The following KREMEN2 variants were observed in gnomAD, a reference collection of about 807,000 sequenced individuals.
KREMEN2 encodes the protein kremen protein 2.
A neutral mutation model predicts 49.8 loss-of-function variants in KREMEN2; 43 were observed. The ratio of observed to expected loss-of-function variants is 0.86; its 90% CI spans 0.68 to 1.11. The LOEUF is 1.11. Among genes scored for constraint, KREMEN2 ranks in the 50% most tolerant of loss-of-function variants. The pLI is 0.00. For missense variants in KREMEN2, 686 were observed against 665.7 expected, an observed-to-expected ratio of 1.03 and a Z score of -0.34; for synonymous variants, 355 against 304.9, an observed-to-expected ratio of 1.16 and a Z score of -1.71.
In KREMEN2 at chr16:2,966,064, C is replaced by T; in HGVS notation, c.270-76C>T. 7.5e-7 allele frequency: 1 copy of T among 1,324,664 alleles called. No homozygotes were observed. Among genetic ancestry groups the T allele is most frequent in the Non-Finnish European group, 1.1e-6 (1 of 925,432 alleles). The allele number at this position is 1,324,664 out of a possible 1,614,324, so 82.1% of individuals were successfully genotyped here. A position where few individuals can be genotyped will look rare whatever the true frequency, so the allele number is the denominator to read the frequency against. On this transcript the variant is annotated intron_variant, in intron 2 of 8. Transcript: ENST00000303746. This position sits in a 1 kb window ranked among gnomAD's most constrained non-coding sequence, Gnocchi z 8.4. ...ACAGAGCCTTGAAGGCCACTTTGAG[C>T]ATAGGCTGCGGGGCCGGGCCTGGGT...
chr16:2,966,341 A>T lies in KREMEN2; in HGVS notation c.378A>T (p.Gly126=), dbSNP rs2071818290. The T allele has an allele frequency of 1.2e-6, 2 of 1,612,112 alleles. No homozygotes were observed. Among genetic ancestry groups the T allele is most frequent in the African/African-American group, 1.3e-5 (1 of 74,960 alleles). Residue 126 remains glycine, a synonymous_variant, in exon 4 of 9, where the codon GGA becomes GGT. Transcript: ENST00000303746. The surrounding 1 kb of genome is among the most constrained non-coding windows in gnomAD (Gnocchi z 8.4). ...CCCCCTCAGTGCCAGGCTACCTGGG[A>T]TGCTTTGTGGACTCAGGGGCACCCC... ...IPSCHMPGYL[G]CFVDSGAPPA...
In KREMEN2 at chr16:2,966,064, C is replaced by A; in HGVS notation, c.270-76C>A. On this transcript the variant is annotated intron_variant, in intron 2 of 8. Transcript: ENST00000303746. This position sits in a 1 kb window ranked among gnomAD's most constrained non-coding sequence, Gnocchi z 8.4. ...ACAGAGCCTTGAAGGCCACTTTGAG[C>A]ATAGGCTGCGGGGCCGGGCCTGGGT... 1.5e-6 allele frequency: 2 copies of A among 1,324,660 alleles called. No individual in the cohort carries two copies. Among genetic ancestry groups the A allele is most frequent in the Admixed American group, 1.7e-5 (1 of 58,064 alleles). The allele number at this position is 1,324,660 out of a possible 1,614,324, so 82.1% of individuals were successfully genotyped here. A position where few individuals can be genotyped will look rare whatever the true frequency, so the allele number is the denominator to read the frequency against.
rs1198045661 is a variant in KREMEN2, at chr16:2,966,907, C to T, written c.641-3C>T. ...GGATGCTGACTGCCGGCCCCGCCCG[C>T]AGTGTCGGTGGGCTCCTGCCAGGGG... On this transcript the variant is annotated splice_region_variant and splice_polypyrimidine_tract_variant and intron_variant, in intron 5 of 8. Coordinates refer to ENST00000303746, the MANE Select transcript of KREMEN2 (RefSeq NM_172229.3). The surrounding 1 kb of genome is among the most constrained non-coding windows in gnomAD (Gnocchi z 8.4). 9.1e-6 allele frequency: 14 copies of T among 1,543,342 alleles called. No homozygotes were observed. In the East Asian group the frequency reaches 3.0e-4, roughly 33 times the overall value.
At position 2,966,107 on chromosome 16, in the gene KREMEN2, G is replaced by T. The variant is rs770517704; in HGVS notation, c.270-33G>T. On this transcript the variant is annotated intron_variant, in intron 2 of 8. Transcript: ENST00000303746. This position sits in a 1 kb window ranked among gnomAD's most constrained non-coding sequence, Gnocchi z 8.4. The stretch of plus-strand genomic sequence containing the variant: ...GCCTGGGTTTGCTATTCTTGGGGTG[G>T]TGGGAGCCCCACCACCTCCCTCCCA... The T allele has an allele frequency of 6.3e-7, 1 of 1,595,426 alleles. No homozygotes were observed.
chr16:2,967,654 G>A, intron 8 of KREMEN2, 50 bp downstream of exon 8: 1 of 1,538,234 alleles, frequency 6.5e-7, no homozygotes, highest in Non-Finnish European at 8.7e-7. Context: ...GTGGGGAGCT[G>A]GAGCCCCAGA....
At chr16:2,967,781 G>T in intron 8 of KREMEN2, 29 bp from the exon 9 acceptor site, 1 of 1,548,198 alleles carries the variant, frequency 6.5e-7, no homozygotes, top group South Asian at 1.2e-5. Flanking sequence ...GGATTGGACC[G>T]GCTCGGCTGA....
At position 2,967,363 on chromosome 16, in the gene KREMEN2, G is replaced by A. The variant is rs570092580; in HGVS notation, c.1017G>A (p.Ser339=). 1 of 1,397,920 alleles carries A rather than the reference G, an allele frequency of 7.2e-7. No individual in the cohort carries two copies. The highest frequency in any genetic ancestry group is 1.6e-5 in the South Asian group (1 of 63,570). 86.6% of individuals were successfully genotyped at this position (1,397,920 alleles called of 1,614,324 possible). A position where few individuals can be genotyped will look rare whatever the true frequency, so the allele number is the denominator to read the frequency against. ...AAEDPEAPEG[S]AQTPAAPLDG... is the part of the protein sequence containing the mutation. ...AGGACCCAGAGGCCCCCGAGGGCTC[G>A]GCCCAGACCCCCGCGGCGCCCCTCG... The change falls in exon 7 of 9, where the codon TCG becomes TCA. Residue 339 remains serine (S), a synonymous_variant. Transcript: ENST00000303746.
rs767438462 is a variant in KREMEN2 at position 2,964,911 on chromosome 16, C to T, written c.147C>T (p.Asn49=). 1.6e-5 allele frequency: 25 copies of T among 1,607,538 alleles called. No individual in the cohort carries two copies. Among genetic ancestry groups the T allele is most frequent in the Middle Eastern group, 1.6e-4 (1 of 6,070 alleles). ...VNGADYRGHQ[N]RTGPRGAGRP... ...GGGCTGACTACCGCGGCCACCAGAA[C>T]CGCACTGGCCCGCGCGGGGCGGGCC... Residue 49 remains asparagine (N), a synonymous_variant, in exon 2 of 9, where the codon AAC becomes AAT. Transcript: ENST00000303746.
chr16:2,968,301 C>T lies in KREMEN2; in HGVS notation c.*281C>T, dbSNP rs1213491107. The T allele has an allele frequency of 4.1e-6, 6 of 1,458,200 alleles. No individual in the cohort carries two copies. Among genetic ancestry groups the T allele is most frequent in the Middle Eastern group, 3.4e-4 (2 of 5,836 alleles). 90.3% of individuals were successfully genotyped at this position (1,458,200 alleles called of 1,614,324 possible). A position where few individuals can be genotyped will look rare whatever the true frequency, so the allele number is the denominator to read the frequency against. On this transcript the variant is annotated 3_prime_UTR_variant, in exon 9 of 9. Transcript: ENST00000303746. The stretch of plus-strand genomic sequence containing the variant: ...CCCTCTGGGGGTGGTCCTGGACTGC[C>T]GTCCTCAGTGAGAGGTCACAGGTCA...
chr16:2,968,135 C>A lies in KREMEN2; in HGVS notation c.*115C>A. ...GTAGGGGCAGCTCGGCCTCTGGTCG[C>A]CTTGGGGAGACCAAAAGTCGGACAG... On this transcript the variant is annotated 3_prime_UTR_variant, in exon 9 of 9. Coordinates refer to ENST00000303746, the MANE Select transcript of KREMEN2 (RefSeq NM_172229.3). 1 of 1,169,430 alleles carries A rather than the reference C, an allele frequency of 8.6e-7. No homozygotes were observed. The highest frequency in any genetic ancestry group is 1.2e-6 in the Non-Finnish European group (1 of 818,524). The allele number at this position is 1,169,430 out of a possible 1,614,324, so 72.4% of individuals were successfully genotyped here.
chr16:2,964,463 CCCCGGGGGCAG>C lies in KREMEN2; in HGVS notation c.-51_-41del. The C allele has an allele frequency of 1.5e-6, 2 of 1,332,636 alleles. No individual in the cohort carries two copies. The highest frequency in any genetic ancestry group is 2.0e-6 in the Non-Finnish European group (2 of 975,872). The allele number at this position is 1,332,636 out of a possible 1,614,324, so 82.6% of individuals were successfully genotyped here. A position where few individuals can be genotyped will look rare whatever the true frequency, so the allele number is the denominator to read the frequency against. On this transcript the variant is annotated 5_prime_UTR_variant, in exon 1 of 9. Transcript: ENST00000303746. ...GGTCTCCTGGGAGACCCCGAAGCGA[CCCCGGGGGCAG>C]CCCGGGCCGTGTCCGGGCGAGGGTG...
chr16:2,967,658 C>G (rs544471729), intron 8 of KREMEN2, 54 bp downstream of exon 8: 1 of 1,538,938 alleles, frequency 6.5e-7, no homozygotes, highest in Admixed American at 2.0e-5. Flanking sequence ...GGAGCTGGAG[C>G]CCCAGAAGGG....
Position 2,966,777 on chromosome 16 carries a change from C to A in KREMEN2, c.622C>A (p.Arg208=). The change falls in exon 5 of 9, where the codon CGG becomes AGG. Residue 208 remains arginine, a synonymous_variant. Transcript: ENST00000303746. The surrounding 1 kb of genome is among the most constrained non-coding windows in gnomAD (Gnocchi z 8.4). ...HPGQLCGGDG[R]LGVYEVSVGS... is the part of the protein sequence containing the mutation. ...TGGACAGCTGTGTGGCGGCGATGGGCGGCTGGGCGTCTATGAAGGTGAGGA... is the reference window on the plus strand; with the variant it reads ...TGGACAGCTGTGTGGCGGCGATGGGAGGCTGGGCGTCTATGAAGGTGAGGA... The A allele has an allele frequency of 1.6e-5, 26 of 1,609,574 alleles. No homozygotes were observed. Among genetic ancestry groups the A allele is most frequent in the Non-Finnish European group, 2.2e-5 (26 of 1,178,130 alleles).
chr16:2,966,820 G>C lies in KREMEN2; in HGVS notation c.640+25G>C, dbSNP rs765174502. On this transcript the variant is annotated intron_variant, in intron 5 of 8. Transcript: ENST00000303746. This position sits in a 1 kb window ranked among gnomAD's most constrained non-coding sequence, Gnocchi z 8.4. ...GGTGAGGAGTGGGCGGGGACCAGGG[G>C]CCTGGGCGGGCCTCGAGGTGGGGCC... The C allele has an allele frequency of 6.2e-7, 1 of 1,603,066 alleles. No individual in the cohort carries two copies. Among genetic ancestry groups the C allele is most frequent in the Non-Finnish European group, 8.5e-7 (1 of 1,175,578 alleles).
rs1338352421 is a variant in KREMEN2 at position 2,967,028 on chromosome 16, C to G, written c.759C>G (p.Gly253=). 6.5e-7 allele frequency: 1 copy of G among 1,544,454 alleles called. No individual in the cohort carries two copies. The highest frequency in any genetic ancestry group is 8.7e-7 in the Non-Finnish European group (1 of 1,145,620). The stretch of plus-strand genomic sequence containing the variant: ...GCAGCTGGGCCCTGGGCCCGCCAGG[C>G]GCCGCGCTGGAGCTCACCTTCCGCC... ...RNCSWALGPP[G]AALELTFRLF... is the part of the protein sequence containing the mutation. The change falls in exon 6 of 9, where the codon GGC becomes GGG. Residue 253 remains glycine (G), a synonymous_variant. Coordinates refer to ENST00000303746, the MANE Select transcript of KREMEN2 (RefSeq NM_172229.3).
intron 2 of KREMEN2, among the ~76,000 whole-genome samples, chr16:2,965,423 G>C (rs925416612): frequency 6.6e-6 from 1 of 152,200 alleles, no homozygotes; most frequent in Non-Finnish European, 1.5e-5. Context: ...TCTGAGGCAG[G>C]ATGGACCCAG....
rs990613006 is a variant in KREMEN2, at chr16:2,966,846, T to G, written c.640+51T>G. On this transcript the variant is annotated intron_variant, in intron 5 of 8. Transcript: ENST00000303746. The surrounding 1 kb of genome is among the most constrained non-coding windows in gnomAD (Gnocchi z 8.4). ...CCTGGGCGGGCCTCGAGGTGGGGCC[T>G]GGCCGGGCAGGGGAGCCGCCGTGTC... The G allele has an allele frequency of 1.3e-6, 2 of 1,585,686 alleles. No homozygotes were observed. The highest frequency in any genetic ancestry group is 1.8e-5 in the Admixed American group (1 of 56,166).
At chr16:2,965,089 C>A (rs2071792470) in intron 2 of KREMEN2, 56 bp downstream of exon 2, 1 of 1,378,606 alleles carries the variant, frequency 7.3e-7, no homozygotes, top group Non-Finnish European at 9.4e-7. Context: ...GCAGGGATGG[C>A]CCGAAGCGGG....
Position 2,966,573 on chromosome 16 carries a change from AC to A in KREMEN2, c.487-65del. 1.3e-6 allele frequency: 2 copies of A among 1,549,922 alleles called. No homozygotes were observed. Among genetic ancestry groups the A allele is most frequent in the Non-Finnish European group, 8.7e-7 (1 of 1,148,878 alleles). On this transcript the variant is annotated intron_variant, in intron 4 of 8. Transcript: ENST00000303746. This position sits in a 1 kb window ranked among gnomAD's most constrained non-coding sequence, Gnocchi z 8.4. Reference sequence around the variant, plus strand: ...AACCTCCAGCCCGATTCCCACCCCGACCCCAGGCCCCCACCACTTCACCCCT... The same window carrying A: ...AACCTCCAGCCCGATTCCCACCCCGACCCAGGCCCCCACCACTTCACCCCT...
Sources: allele counts gnomAD v4.1 joint callset (sites outside exome capture counted in the v4.1 genomes callset), GRCh38; gene constraint gnomAD v4.1.1; non-coding constraint Gnocchi (gnomAD v3.1); transcripts MANE v1.5; gene names NCBI Gene and HGNC (gene_info 2026-07-23, HGNC 2026-07-21).